Variants in EEA1 observed in about 807,000 individuals in gnomAD.
EEA1 encodes the protein early endosome antigen 1.
EEA1 carries 111 observed loss-of-function variants against 209.2 expected under a neutral mutation model. That is an observed-to-expected ratio of 0.53 (90% CI 0.45 to 0.62). The LOEUF (loss-of-function observed/expected upper bound fraction) is 0.62. Among genes scored for constraint, EEA1 ranks in the 20% least tolerant of loss-of-function variants. The pLI, the probability that EEA1 is intolerant of heterozygous loss-of-function variation, is 0.00. For synonymous variants in EEA1, 536 were observed against 540.6 expected (o/e 0.99, Z 0.12); for missense variants, 1,343 against 1,530.8 (o/e 0.88, Z 2.05).
chr12:92,928,876 A>ACCCGCCCTC (rs1169954713), intron 1 of EEA1, among the ~76,000 whole-genome samples, 167 bp downstream of exon 1: 208 of 147,118 alleles, frequency 1.4e-3, no homozygotes, highest in South Asian at 5.9e-3. Flanking sequence ...CGCCGGCCCC[A>ACCCGCCCTC]CCCGCCCTCC....
chr12:92,832,394 AATCTTT>A, intron 11 of EEA1, 112 bp downstream of exon 11: 3 of 964,852 alleles, frequency 3.1e-6, no homozygotes, highest in Non-Finnish European at 4.5e-6. Context: ...GTTAAGAGTT[AATCTTT>A]TAAAATGACA....
chr12:92,923,422 T>G (rs924531068), intron 1 of EEA1, among the ~76,000 whole-genome samples: 1 of 152,238 alleles, frequency 6.6e-6, no homozygotes, highest in Non-Finnish European at 1.5e-5. Flanking sequence ...AGCTACCTGT[T>G]GCAAACATCC....
At chr12:92,927,156 G>A (rs1261018252) in intron 1 of EEA1, among the ~76,000 whole-genome samples, 3 of 152,156 alleles carry the variant, frequency 2.0e-5, no homozygotes. Flanking sequence ...GGGGACATTT[G>A]GTAAAATCTG....
intron 3 of EEA1, among the ~76,000 whole-genome samples, chr12:92,862,554 C>G (rs1934884077): frequency 6.6e-6 from 1 of 151,638 alleles, no homozygotes; most frequent in Non-Finnish European, 1.5e-5. Context: ...TATGACTATA[C>G]CAGCCTGGAA....
intron 1 of EEA1, among the ~76,000 whole-genome samples, chr12:92,907,545 C>G (rs1387029528): frequency 6.6e-6 from 1 of 152,158 alleles, no homozygotes; most frequent in Non-Finnish European, 1.5e-5. Flanking sequence ...TTCTCCATCT[C>G]CTTGGCCACT....
At chr12:92,783,926 A>C (rs2136652093) in intron 22 of EEA1, among the ~76,000 whole-genome samples, 1 of 152,222 alleles carries the variant, frequency 6.6e-6, no homozygotes, top group South Asian at 2.1e-4. Context: ...TAAAAAAAAA[A>C]AGAAAGATGA....
intron 1 of EEA1, among the ~76,000 whole-genome samples, chr12:92,921,700 G>A (rs1881002738): frequency 7.4e-6 from 1 of 135,270 alleles, no homozygotes. Flanking sequence ...GTATACATAT[G>A]TAACTAACCT....
chr12:92,857,196 C>T (rs1592740059), intron 5 of EEA1, 79 bp downstream of exon 5: 12 of 1,160,814 alleles, frequency 1.0e-5, no homozygotes, highest in African/African-American at 8.0e-5. Context: ...CACCTGCTTG[C>T]AAAAAGGTAT....
intron 20 of EEA1, among the ~76,000 whole-genome samples, chr12:92,801,173 TA>T (rs1874891523): frequency 6.6e-6 from 1 of 152,104 alleles, no homozygotes; most frequent in South Asian, 2.1e-4. Context: ...AGTATGTGTA[TA>T]AATGTCCATG....
intron 1 of EEA1, among the ~76,000 whole-genome samples, chr12:92,913,876 GT>G (rs1430278958): frequency 6.6e-6 from 1 of 152,088 alleles, no homozygotes; most frequent in East Asian, 1.9e-4. Flanking sequence ...GGCCAGGCTG[GT>G]CTTCAACTCA....
At chr12:92,797,007 T>C (rs1045493601) in intron 21 of EEA1, among the ~76,000 whole-genome samples, 7 of 152,344 alleles carry the variant, frequency 4.6e-5, no homozygotes, top group African/African-American at 1.7e-4. Context: ...CATCTCTAGA[T>C]TACTTACAAT....
chr12:92,913,817 C>T (rs1565862003), intron 1 of EEA1, among the ~76,000 whole-genome samples: 1 of 152,146 alleles, frequency 6.6e-6, no homozygotes, highest in Non-Finnish European at 1.5e-5. Context: ...TGTGCCACCA[C>T]ATCTGACTAA....
At chr12:92,882,840 G>A (rs1393103182) in intron 2 of EEA1, among the ~76,000 whole-genome samples, 1 of 152,048 alleles carries the variant, frequency 6.6e-6, no homozygotes, top group Non-Finnish European at 1.5e-5. Flanking sequence ...CACATAGTCC[G>A]ATTCCATTTA....
At chr12:92,923,646 T>C (rs1324385374) in intron 1 of EEA1, among the ~76,000 whole-genome samples, 1 of 152,122 alleles carries the variant, frequency 6.6e-6, no homozygotes, top group Non-Finnish European at 1.5e-5. Context: ...TTTTCTTTTG[T>C]GCTTACAAAC....
chr12:92,863,090 T>C (rs574539422), intron 3 of EEA1, among the ~76,000 whole-genome samples: 17 of 152,238 alleles, frequency 1.1e-4, no homozygotes, highest in Admixed American at 4.6e-4. Flanking sequence ...AAGAGCAGCA[T>C]ACAAAACAGA....
At chr12:92,923,922 T>C (rs1173859104) in intron 1 of EEA1, among the ~76,000 whole-genome samples, 2 of 148,822 alleles carry the variant, frequency 1.3e-5, no homozygotes, top group Non-Finnish European at 3.0e-5. Flanking sequence ...AAATTTGGAG[T>C]TTATAATTAT....
chr12:92,777,481 T>A lies in EEA1; in HGVS notation c.4014+62A>T. 13 of 1,511,160 alleles carry A rather than the reference T, an allele frequency of 8.6e-6. 1 individual carries two copies. In the South Asian group the frequency reaches 1.6e-4, roughly 19 times the overall value. The allele number at this position is 1,511,160 out of a possible 1,614,324, so 93.6% of individuals were successfully genotyped here. Reference sequence around the variant, plus strand: ...TGAGATTTTTTAAAAGGTAAAAATATGCTTTTCACTAATAAGCCAATTCTA... The same window carrying A: ...TGAGATTTTTTAAAAGGTAAAAATAAGCTTTTCACTAATAAGCCAATTCTA... On this transcript the variant is annotated intron_variant, in intron 27 of 28. Transcript: ENST00000322349.
intron 1 of EEA1, among the ~76,000 whole-genome samples, chr12:92,927,495 T>G (rs1396769112): frequency 6.6e-6 from 1 of 152,200 alleles, no homozygotes; most frequent in Non-Finnish European, 1.5e-5. Flanking sequence ...ATGTTTAACT[T>G]TAAACCAAGA....
chr12:92,816,900 C>T (rs549806443), intron 14 of EEA1, among the ~76,000 whole-genome samples: 4 of 150,114 alleles, frequency 2.7e-5, no homozygotes, highest in East Asian at 1.9e-4. Context: ...TTCTGTGTTA[C>T]GGCTTTTATT....
Sources: gnomAD v4.1 joint callset for allele counts (sites outside exome capture counted in the v4.1 genomes callset) on GRCh38, gnomAD v4.1.1 for gene constraint, MANE v1.5 for transcripts, NCBI Gene and HGNC (gene_info 2026-07-23, HGNC 2026-07-21) for gene names.